ARMC9: variants seen among roughly 807,000 people sequenced by gnomAD.
ARMC9 encodes lisH domain-containing protein ARMC9.
In ARMC9, 94 loss-of-function variants were observed where a neutral mutation model predicts 107.0. The ratio of observed to expected loss-of-function variants is 0.88; its 90% confidence interval spans 0.74 to 1.04. The LOEUF (loss-of-function observed/expected upper bound fraction) is 1.04, where lower values mean the gene tolerates loss of function less well. Ranked by LOEUF, ARMC9 falls within the 50% of genes least tolerant of loss-of-function variation. The probability of loss-of-function intolerance (pLI) is 0.00; values close to 1 mark genes in which losing one functional copy is unlikely to be tolerated. For missense variants in ARMC9, 942 were observed against 1,030.1 expected (o/e 0.91, Z 1.17); for synonymous variants, 380 against 396.9 (o/e 0.96, Z 0.51).
chr2:231,268,819 T>C (rs2039066832), intron 12 of ARMC9, among the ~76,000 whole-genome samples: 2 of 152,098 alleles, frequency 1.3e-5, no homozygotes, highest in South Asian at 2.1e-4. Context: ...TCTAGCACTT[T>C]GGGAGGCCAA....
intron 19 of ARMC9, among the ~76,000 whole-genome samples, chr2:231,302,576 G>A (rs905381290): frequency 6.6e-6 from 1 of 151,124 alleles, no homozygotes; most frequent in African/African-American, 2.4e-5. Context: ...ACACACCTGT[G>A]TACTTGGAAA....
intron 3 of ARMC9, among the ~76,000 whole-genome samples, chr2:231,211,355 T>A: frequency 6.8e-6 from 1 of 147,462 alleles, no homozygotes. Flanking sequence ...ACCCCGCCTC[T>A]ACTAAAAAAA....
chr2:231,225,234 C>T (rs1244202974), intron 6 of ARMC9, among the ~76,000 whole-genome samples: 2 of 152,124 alleles, frequency 1.3e-5, no homozygotes, highest in Admixed American at 6.6e-5. Context: ...AAGAGAACAT[C>T]TTCCCATATC....
chr2:231,211,818 A>G (rs1188670164), intron 3 of ARMC9, among the ~76,000 whole-genome samples: 5 of 152,048 alleles, frequency 3.3e-5, no homozygotes, highest in South Asian at 2.1e-4. Flanking sequence ...TTGAAGTGAT[A>G]TCTTGTCATA....
chr2:231,301,347 T>C (rs533990355), intron 19 of ARMC9, among the ~76,000 whole-genome samples: 2 of 152,356 alleles, frequency 1.3e-5, no homozygotes, highest in Admixed American at 1.3e-4. Flanking sequence ...TTTATTTATA[T>C]GGGCTCTTGC....
chr2:231,331,650 A>G, intron 19 of ARMC9, 143 bp from the exon 20 acceptor site: 1 of 668,092 alleles, frequency 1.5e-6, no homozygotes. Context: ...ACTGCCCCTG[A>G]GCCCCCTTGG....
At chr2:231,350,136 C>T (rs1165605492) in intron 21 of ARMC9, among the ~76,000 whole-genome samples, 1 of 152,056 alleles carries the variant, frequency 6.6e-6, no homozygotes, top group Admixed American at 6.6e-5. Flanking sequence ...AGCGATTCTC[C>T]TGCCTCAGCC....
In ARMC9 at chr2:231,300,495, G is replaced by C. The variant is rs575140191; in HGVS notation, c.1773+4242G>C. 3.5e-3 allele frequency among the ~76,000 whole-genome samples: 533 copies of C among 152,344 alleles called. 1 individual carries two copies. Among genetic ancestry groups the C allele is most frequent in the Middle Eastern group, 0.014 (4 of 294 alleles). ...TGACAACAGCAGCTCCCGCCTGCTG[G>C]CAGTGCCGGGTGCCAGGCACTGTTC... On this transcript the variant is annotated intron_variant, in intron 19 of 24. Transcript: ENST00000611582.
In ARMC9 at chr2:231,255,617, T is replaced by C. The variant is rs1225027882; in HGVS notation, c.880-969T>C. 6.6e-6 allele frequency among the ~76,000 whole-genome samples: 1 copy of C among 152,172 alleles called. No individual in the cohort carries two copies. Among genetic ancestry groups the C allele is most frequent in the Non-Finnish European group, 1.5e-5 (1 of 68,038 alleles). ...GGCAGAGCAGCCTCTAGAGTTTTTC[T>C]TGGAGTGGTGTAACATCAAACCAGG... On this transcript the variant is annotated intron_variant, in intron 9 of 24. Coordinates refer to ENST00000611582, the MANE Select transcript of ARMC9 (RefSeq NM_001352754.2). The surrounding 1 kb of genome is among the most constrained non-coding windows in gnomAD (Gnocchi z 4.7).
intron 1 of ARMC9, among the ~76,000 whole-genome samples, chr2:231,200,379 T>A (rs1347012582): frequency 5.9e-5 from 9 of 152,206 alleles, no homozygotes; most frequent in African/African-American, 2.2e-4. Context: ...TCCCTGTCTT[T>A]GTGAACAGGG....
At chr2:231,317,409 A>C (rs1382147462) in intron 19 of ARMC9, among the ~76,000 whole-genome samples, 1 of 152,102 alleles carries the variant, frequency 6.6e-6, no homozygotes, top group African/African-American at 2.4e-5. Context: ...GACCTGAGGC[A>C]ATCCTCCTGC....
At chr2:231,218,895 GCA>G (rs1436120521) in intron 5 of ARMC9, among the ~76,000 whole-genome samples, 1 of 151,950 alleles carries the variant, frequency 6.6e-6, no homozygotes, top group Non-Finnish European at 1.5e-5. Context: ...GGGATTATAG[GCA>G]CACGCCACCA....
At chr2:231,323,087 G>T (rs2043089020) in intron 19 of ARMC9, among the ~76,000 whole-genome samples, 1 of 152,124 alleles carries the variant, frequency 6.6e-6, no homozygotes, top group African/African-American at 2.4e-5. Context: ...ACTTCAGGAG[G>T]CTAAGGTGGG....
intron 19 of ARMC9, among the ~76,000 whole-genome samples, chr2:231,320,357 A>G (rs1188111797): frequency 1.3e-5 from 2 of 152,212 alleles, no homozygotes; most frequent in African/African-American, 4.8e-5. Flanking sequence ...GCACATTCAC[A>G]TGATGCCTTT....
chr2:231,207,698 A>G (rs181871942), intron 2 of ARMC9, among the ~76,000 whole-genome samples: 201 of 152,076 alleles, frequency 1.3e-3, no homozygotes, highest in African/African-American at 4.4e-3. Context: ...CTGGTCTCGA[A>G]TTCCTGACCT....
chr2:231,334,644 T>C (rs1049986869), intron 20 of ARMC9, among the ~76,000 whole-genome samples: 10 of 152,178 alleles, frequency 6.6e-5, no homozygotes, highest in African/African-American at 2.4e-4. Context: ...CATGAATATT[T>C]TGATTAGAAA....
chr2:231,317,310 A>G (rs1289060347), intron 19 of ARMC9, among the ~76,000 whole-genome samples: 1 of 151,952 alleles, frequency 6.6e-6, no homozygotes, highest in Non-Finnish European at 1.5e-5. Context: ...GGCTGGGATT[A>G]CAGGCGCCTG....
At chr2:231,349,869 TAA>T (rs1266194331) in intron 21 of ARMC9, among the ~76,000 whole-genome samples, 5 of 152,226 alleles carry the variant, frequency 3.3e-5, no homozygotes, top group African/African-American at 1.2e-4. Context: ...TTAAAATAAC[TAA>T]AAGAGTATGA....
intron 19 of ARMC9, among the ~76,000 whole-genome samples, chr2:231,322,664 G>A (rs145120527): frequency 1.3e-5 from 2 of 152,210 alleles, no homozygotes; most frequent in East Asian, 3.9e-4. Flanking sequence ...GGGAAGCTTC[G>A]CATTAGGACA....
Sources: gnomAD v4.1 joint callset for allele counts (sites outside exome capture counted in the v4.1 genomes callset) on GRCh38, gnomAD v4.1.1 for gene constraint, Gnocchi (gnomAD v3.1) non-coding constraint, MANE v1.5 for transcripts, NCBI Gene and HGNC (gene_info 2026-07-23, HGNC 2026-07-21) for gene names.